The following PTPRK variants were observed in gnomAD, a reference collection of about 807,000 sequenced individuals.
The protein encoded by PTPRK is protein tyrosine phosphatase receptor type K.
In PTPRK, 75 loss-of-function variants were observed where a neutral mutation model predicts 178.0. The observed-to-expected ratio is 0.42, with a 90% confidence interval of 0.35 to 0.51. PTPRK has a LOEUF of 0.51. Among genes scored for constraint, PTPRK ranks in the 20% least tolerant of loss-of-function variants. PTPRK has a pLI of 0.02. For synonymous variants in PTPRK, 637 were observed against 620.6 expected, an observed-to-expected ratio of 1.03 and a Z score of -0.39; for missense variants, 1,441 against 1,797.8, an observed-to-expected ratio of 0.80 and a Z score of 3.59.
At chr6:128,186,964 A>T (rs1802869584) in intron 6 of PTPRK, among the ~76,000 whole-genome samples, 1 of 152,152 alleles carries the variant, frequency 6.6e-6, no homozygotes, top group Non-Finnish European at 1.5e-5. Flanking sequence ...GATGGCTCAT[A>T]TACTAACTAA....
chr6:128,285,069 T>C (rs1409360720), intron 3 of PTPRK, among the ~76,000 whole-genome samples: 1 of 152,168 alleles, frequency 6.6e-6, no homozygotes, highest in Non-Finnish European at 1.5e-5. Context: ...ACATACACAA[T>C]ATACTAAGAG....
At chr6:128,176,064 G>T (rs1396387255) in intron 7 of PTPRK, among the ~76,000 whole-genome samples, 1 of 151,836 alleles carries the variant, frequency 6.6e-6, no homozygotes, top group Non-Finnish European at 1.5e-5. Flanking sequence ...CTGGAACAAT[G>T]ACTCTGCTTT....
At chr6:128,043,423 G>A (rs1777515149) in intron 13 of PTPRK, among the ~76,000 whole-genome samples, 1 of 143,516 alleles carries the variant, frequency 7.0e-6, no homozygotes, top group Non-Finnish European at 1.6e-5. Context: ...ATTGACTTAG[G>A]TCAAGGATTC....
At chr6:128,248,261 C>G (rs921862239) in intron 3 of PTPRK, among the ~76,000 whole-genome samples, 6 of 152,136 alleles carry the variant, frequency 3.9e-5, no homozygotes, top group Non-Finnish European at 7.3e-5. Flanking sequence ...CAAATGATAA[C>G]AAGACTATAT....
At chr6:128,066,534 T>C (rs1781796243) in intron 12 of PTPRK, among the ~76,000 whole-genome samples, 1 of 152,066 alleles carries the variant, frequency 6.6e-6, no homozygotes, top group Admixed American at 6.6e-5. Flanking sequence ...ACTGATGTAA[T>C]TGTATATCAT....
intron 11 of PTPRK, among the ~76,000 whole-genome samples, chr6:128,070,711 T>C (rs755307369): frequency 2.0e-5 from 3 of 151,840 alleles, no homozygotes; most frequent in African/African-American, 4.8e-5. Context: ...TGATATAACA[T>C]TCACCCCAGT....
At chr6:127,983,560 C>G (rs1775607481) in intron 22 of PTPRK, among the ~76,000 whole-genome samples, 183 bp from the exon 23 acceptor site, 1 of 152,130 alleles carries the variant, frequency 6.6e-6, no homozygotes, top group Admixed American at 6.5e-5. Context: ...AGAGTATCTG[C>G]TTTGGTATAA....
chr6:128,251,860 G>A (rs751373591), intron 3 of PTPRK, among the ~76,000 whole-genome samples: 2 of 152,090 alleles, frequency 1.3e-5, no homozygotes, highest in Non-Finnish European at 2.9e-5. Context: ...ATATCCTGAG[G>A]TTTAGCATTA....
At chr6:128,175,452 C>G (rs1338360792) in intron 7 of PTPRK, among the ~76,000 whole-genome samples, 1 of 151,654 alleles carries the variant, frequency 6.6e-6, no homozygotes. Flanking sequence ...TTAGTCCAAA[C>G]TTTCAGTAAC....
chr6:128,391,550 G>A (rs1482336969), intron 2 of PTPRK, among the ~76,000 whole-genome samples: 2 of 152,114 alleles, frequency 1.3e-5, no homozygotes, highest in African/African-American at 4.8e-5. Flanking sequence ...AAGATACACT[G>A]TCAAATAATT....
At chr6:128,490,439 A>C (rs992233145) in intron 1 of PTPRK, among the ~76,000 whole-genome samples, 2 of 152,200 alleles carry the variant, frequency 1.3e-5, no homozygotes, top group African/African-American at 2.4e-5. Context: ...ATTATACACT[A>C]GAACGCAGAG....
Position 127,981,208 on chromosome 6 carries a change from A to G in PTPRK, c.3619T>C (p.Phe1207Leu). 6.2e-7 allele frequency: 1 copy of G among 1,613,806 alleles called. No homozygotes were observed. Among genetic ancestry groups the G allele is most frequent in the South Asian group, 1.1e-5 (1 of 91,076 alleles). ...CTGTCAGGTGGCAGCATGTCCATGA[A>G]ACGGTTCTTGTCATGGTTCCTTGGC... ...CLPRNHDKNR[F>L]MDMLPPDRCL... Residue 1207 changes from phenylalanine (F) to leucine (L), a missense_variant, in exon 25 of 30, where the codon TTC becomes CTC. Phe to Leu is a conservative substitution (Grantham distance 22). Around this residue, in one of 4 missense-constraint regions of PTPRK, gnomAD observed 335 missense variants for 512.4 expected, o/e 0.65. Transcript: ENST00000368226.
chr6:128,499,845 T>C (rs557035081), intron 1 of PTPRK, among the ~76,000 whole-genome samples: 29 of 152,198 alleles, frequency 1.9e-4, no homozygotes, highest in Non-Finnish European at 3.2e-4. Flanking sequence ...TTCTATTTCA[T>C]GGTTGGTCTG....
intron 5 of PTPRK, among the ~76,000 whole-genome samples, chr6:128,226,694 C>T (rs1360875326): frequency 6.7e-6 from 1 of 148,404 alleles, no homozygotes; most frequent in Non-Finnish European, 1.5e-5. Context: ...TAAACCAATT[C>T]CTTGCAGTAA....
At chr6:127,994,873 G>A (rs959477610) in intron 18 of PTPRK, among the ~76,000 whole-genome samples, 3 of 151,756 alleles carry the variant, frequency 2.0e-5, no homozygotes, top group Admixed American at 1.3e-4. Context: ...TCATTTTAAC[G>A]TCAGAAGTCA....
chr6:128,474,264 C>T (rs539170531), intron 1 of PTPRK, among the ~76,000 whole-genome samples: 16 of 151,998 alleles, frequency 1.1e-4, no homozygotes, highest in East Asian at 5.8e-4. Flanking sequence ...GGTGACATCA[C>T]GGGACATGAG....
At chr6:128,420,006 A>G (rs1015222874) in intron 1 of PTPRK, among the ~76,000 whole-genome samples, 3 of 152,238 alleles carry the variant, frequency 2.0e-5, no homozygotes, top group Non-Finnish European at 2.9e-5. Flanking sequence ...CTAAAGCCCA[A>G]TTAGCACCTA....
intron 1 of PTPRK, among the ~76,000 whole-genome samples, chr6:128,441,909 G>A (rs1223111418): frequency 6.6e-6 from 1 of 152,116 alleles, no homozygotes; most frequent in East Asian, 1.9e-4. Context: ...AGAGACCACA[G>A]TGGACACCAA....
chr6:128,253,455 T>A (rs1311312810), intron 3 of PTPRK, among the ~76,000 whole-genome samples: 1 of 152,194 alleles, frequency 6.6e-6, no homozygotes, highest in African/African-American at 2.4e-5. Context: ...AGCTCCACCA[T>A]CTGGGTTATA....
Sources: gnomAD v4.1 joint callset for allele counts (sites outside exome capture counted in the v4.1 genomes callset) on GRCh38, gnomAD v4.1.1 for gene constraint, gnomAD v4.1.1 regional missense constraint, MANE v1.5 for transcripts, NCBI Gene and HGNC (gene_info 2026-07-23, HGNC 2026-07-21) for gene names.